Variants in BORCS5 observed in about 807,000 individuals in gnomAD.
BORCS5 encodes the protein BLOC-1 related complex subunit 5, also known as BLOC-1-related complex subunit 5.
A neutral mutation model predicts 22.1 loss-of-function variants in BORCS5; 17 were observed. The ratio of observed to expected loss-of-function variants is 0.77; its 90% CI spans 0.53 to 1.15. BORCS5 has a LOEUF of 1.15. Among genes scored for constraint, BORCS5 ranks in the 50% most tolerant of loss-of-function variants. BORCS5 has a pLI of 0.00. For missense variants in BORCS5, 247 were observed against 253.2 expected, an observed-to-expected ratio of 0.98 and a Z score of 0.17; for synonymous variants, 117 against 99.8, an observed-to-expected ratio of 1.17 and a Z score of -1.03.
In BORCS5 at chr12:12,380,906, T is replaced by C. The variant is rs185186603; in HGVS notation, c.202+19557T>C. ...ATTTTTAAATTGGGTTTTTAACTTA[T>C]ATTGTATTATAACAAGTTCTTTATT... On this transcript the variant is annotated intron_variant, in intron 2 of 3. Transcript: ENST00000314565. Among the ~76,000 whole-genome samples the C allele has an allele frequency of 1.1e-4, 17 of 151,508 alleles. No homozygotes were observed. The East Asian group carries it at 2.7e-3, about 24-fold the overall frequency.
At chr12:12,427,575 T>C (rs1170789111) in intron 2 of BORCS5, among the ~76,000 whole-genome samples, 1 of 152,182 alleles carries the variant, frequency 6.6e-6, no homozygotes, top group East Asian at 1.9e-4. Flanking sequence ...ATCTTTGAAA[T>C]ATACTATGAC....
At chr12:12,420,745 G>C (rs1942097404) in intron 2 of BORCS5, among the ~76,000 whole-genome samples, 2 of 152,126 alleles carry the variant, frequency 1.3e-5, no homozygotes, top group Admixed American at 6.5e-5. Context: ...GTGGTTTATA[G>C]CTCTCCTTGA....
intron 2 of BORCS5, among the ~76,000 whole-genome samples, chr12:12,415,482 T>C (rs1941914022): frequency 7.1e-6 from 1 of 141,610 alleles, no homozygotes; most frequent in Non-Finnish European, 1.5e-5. Flanking sequence ...GAGGTTGCAG[T>C]GAGCCGAGAT....
chr12:12,411,905 T>G (rs1170057989), intron 2 of BORCS5, among the ~76,000 whole-genome samples: 1 of 152,198 alleles, frequency 6.6e-6, no homozygotes, highest in African/African-American at 2.4e-5. Context: ...CCCAACTGAA[T>G]GGTCTTGGTG....
chr12:12,383,129 T>C lies in BORCS5; in HGVS notation c.202+21780T>C, dbSNP rs1001505787. On this transcript the variant is annotated intron_variant, in intron 2 of 3. Coordinates refer to ENST00000314565, the MANE Select transcript of BORCS5 (RefSeq NM_058169.6). Reference sequence around the variant, plus strand: ...TTAGTTTACTGTTTTAACTGTTCCATTGATTTTTTTTAACTATGTATTTTT... The same window carrying C: ...TTAGTTTACTGTTTTAACTGTTCCACTGATTTTTTTTAACTATGTATTTTT... 5.3e-5 allele frequency among the ~76,000 whole-genome samples: 8 copies of C among 151,542 alleles called. No homozygotes were observed. The East Asian group carries it at 1.5e-3, about 29-fold the overall frequency.
intron 2 of BORCS5, among the ~76,000 whole-genome samples, chr12:12,398,020 G>A (rs1941391112): frequency 6.6e-6 from 1 of 152,176 alleles, no homozygotes; most frequent in Non-Finnish European, 1.5e-5. Context: ...TAGTAAGTTA[G>A]GAGCAATGCT....
intron 2 of BORCS5, among the ~76,000 whole-genome samples, chr12:12,389,882 G>C (rs1482531344): frequency 6.6e-6 from 1 of 152,074 alleles, no homozygotes; most frequent in Non-Finnish European, 1.5e-5. Context: ...GACCTCAAGT[G>C]ATCTTCCTGT....
intron 2 of BORCS5, among the ~76,000 whole-genome samples, chr12:12,381,569 C>A (rs1190757436): frequency 6.6e-6 from 1 of 151,354 alleles, no homozygotes; most frequent in African/African-American, 2.4e-5. Flanking sequence ...TTTTTAATTT[C>A]GTGGATTGTA....
chr12:12,447,379 A>C (rs528143900), intron 3 of BORCS5, among the ~76,000 whole-genome samples: 1 of 152,000 alleles, frequency 6.6e-6, no homozygotes, highest in South Asian at 2.1e-4. Flanking sequence ...CTCCTTCCTT[A>C]TGCCTCCCTG....
At chr12:12,447,890 C>G (rs747636239) in intron 3 of BORCS5, among the ~76,000 whole-genome samples, 10 of 152,198 alleles carry the variant, frequency 6.6e-5, no homozygotes, top group Non-Finnish European at 5.9e-5. Context: ...AGTGGCGTGG[C>G]TTGGAGCCTT....
In BORCS5 at chr12:12,470,741, G is replaced by T. The variant is rs972227336; in HGVS notation, c.*4965G>T. Among the ~76,000 whole-genome samples, 1 of 150,654 alleles carries T rather than the reference G, an allele frequency of 6.6e-6. No homozygotes were observed. The highest frequency in any genetic ancestry group is 1.5e-5 in the Non-Finnish European group (1 of 67,844). On this transcript the variant is annotated 3_prime_UTR_variant, in exon 4 of 4. Transcript: ENST00000314565. ...AAATGCTATGGCTACAGAGGGAAAG[G>T]GTAGCCAGATAATTATCCACATGCT...
At chr12:12,362,979 G>C (rs1414699790) in intron 2 of BORCS5, among the ~76,000 whole-genome samples, 1 of 151,292 alleles carries the variant, frequency 6.6e-6, no homozygotes, top group African/African-American at 2.4e-5. Context: ...TCATGATTTT[G>C]AGGAATAATG....
chr12:12,372,668 A>G (rs1480100151), intron 2 of BORCS5, among the ~76,000 whole-genome samples: 1 of 151,932 alleles, frequency 6.6e-6, no homozygotes, highest in Admixed American at 6.6e-5. Context: ...TCATCTCACT[A>G]CTAAGGTGAA....
chr12:12,447,479 G>A (rs1333255032), intron 3 of BORCS5, among the ~76,000 whole-genome samples: 1 of 152,130 alleles, frequency 6.6e-6, no homozygotes, highest in Admixed American at 6.5e-5. Flanking sequence ...TGGGCCTCTG[G>A]ACTCTAGATC....
Position 12,466,925 on chromosome 12 carries a change from G to A in BORCS5, c.*1149G>A, listed in dbSNP as rs1943213204. The A allele has an allele frequency of 6.6e-6, 1 of 152,094 alleles. No homozygotes were observed. 9.4% of individuals were successfully genotyped at this position (152,094 alleles called of 1,614,324 possible). On this transcript the variant is annotated 3_prime_UTR_variant, in exon 4 of 4. Transcript: ENST00000314565. ...AATTTAATGTATCTTGGCTAAACTT[G>A]ATCTGATTCTAATCTTGGTTTGAGA...
At chr12:12,397,006 C>T (rs192165702) in intron 2 of BORCS5, among the ~76,000 whole-genome samples, 60 of 152,262 alleles carry the variant, frequency 3.9e-4, no homozygotes, top group African/African-American at 1.3e-3. Flanking sequence ...TACACATGCA[C>T]GCATGTGCAC....
In BORCS5 at chr12:12,396,187, A is replaced by C. The variant is rs549505139; in HGVS notation, c.202+34838A>C. On this transcript the variant is annotated intron_variant, in intron 2 of 3. Transcript: ENST00000314565. ...ATTTTTAGTAGAGATGGGTTTCATC[A>C]TGTTGGCCAGGCTGGTTTCAAACTC... Among the ~76,000 whole-genome samples, 14 of 151,356 alleles carry C rather than the reference A, an allele frequency of 9.2e-5. No individual in the cohort carries two copies. In the East Asian group the frequency reaches 2.7e-3, roughly 29 times the overall value.
chr12:12,461,088 TC>T (rs1313018268), intron 3 of BORCS5, among the ~76,000 whole-genome samples: 2 of 152,100 alleles, frequency 1.3e-5, no homozygotes, highest in African/African-American at 4.8e-5. Flanking sequence ...GGTATATGAA[TC>T]TGTAGGGCAA....
chr12:12,357,226 G>T lies in BORCS5; in HGVS notation c.-226G>T, dbSNP rs1217563776. 2.7e-6 allele frequency: 4 copies of T among 1,478,176 alleles called. No individual in the cohort carries two copies. The East Asian group carries it at 9.9e-5, about 37-fold the overall frequency. 91.6% of individuals were successfully genotyped at this position (1,478,176 alleles called of 1,614,324 possible). ...GAAGGAGGGCTAGCCGCGTGCGTTC[G>T]CGCCGCGCCTCCTTGCGTTTCTGTT... On this transcript the variant is annotated 5_prime_UTR_variant, in exon 1 of 4. Coordinates refer to ENST00000314565, the MANE Select transcript of BORCS5 (RefSeq NM_058169.6).
Sources: allele counts gnomAD v4.1 joint callset (sites outside exome capture counted in the v4.1 genomes callset), GRCh38; gene constraint gnomAD v4.1.1; transcripts MANE v1.5; gene names NCBI Gene and HGNC (gene_info 2026-07-23, HGNC 2026-07-21).